Variants in GABBR2 observed in about 807,000 individuals in gnomAD.
GABBR2 encodes G-protein coupled receptor 51.
Under a neutral mutation model 105.6 loss-of-function variants are expected in GABBR2, and 23 were observed. The ratio of observed to expected loss-of-function variants is 0.22; its 90% CI spans 0.16 to 0.31. The LOEUF (loss-of-function observed/expected upper bound fraction) is 0.31, where lower values mean the gene tolerates loss of function less well. GABBR2 is among the 10% of genes least tolerant of loss of function. The pLI, the probability that GABBR2 is intolerant of heterozygous loss-of-function variation, is 1.00. For synonymous variants in GABBR2, 478 were observed against 499.7 expected (o/e 0.96, Z 0.58); for missense variants, 734 against 1,245.5 (o/e 0.59, Z 6.18).
chr9:98,347,671 C>T (rs999762327), intron 13 of GABBR2, among the ~76,000 whole-genome samples: 1 of 152,056 alleles, frequency 6.6e-6, no homozygotes, highest in East Asian at 1.9e-4. Flanking sequence ...GAAGCATTTC[C>T]CCTATATTTT....
At chr9:98,619,750 A>G (rs149744202) in intron 1 of GABBR2, among the ~76,000 whole-genome samples, 161 of 152,208 alleles carry the variant, frequency 1.1e-3, no homozygotes, top group African/African-American at 3.7e-3. Flanking sequence ...TTAATAGTGT[A>G]TGATGTTTTT....
At chr9:98,310,425 T>C (rs1031212945) in intron 14 of GABBR2, among the ~76,000 whole-genome samples, 6 of 152,122 alleles carry the variant, frequency 3.9e-5, no homozygotes, top group Admixed American at 3.9e-4. Flanking sequence ...ATTTTGTATT[T>C]TTAGTAGAGA....
intron 2 of GABBR2, among the ~76,000 whole-genome samples, chr9:98,550,152 A>G (rs551342834): frequency 2.6e-5 from 4 of 152,292 alleles, no homozygotes; most frequent in African/African-American, 9.6e-5. Flanking sequence ...TATCTATGCC[A>G]AGTCTTCCCA....
At chr9:98,313,763 G>T (rs1198242951) in intron 13 of GABBR2, among the ~76,000 whole-genome samples, 1 of 122,690 alleles carries the variant, frequency 8.2e-6, no homozygotes, top group African/African-American at 3.7e-5. Flanking sequence ...TCACTAGGAA[G>T]AAGGTACTTT....
At chr9:98,674,745 T>C (rs2131864172) in intron 1 of GABBR2, among the ~76,000 whole-genome samples, 1 of 152,164 alleles carries the variant, frequency 6.6e-6, no homozygotes, top group Admixed American at 6.5e-5. Context: ...GTCTCAGAGC[T>C]GAAGAGATGT....
intron 6 of GABBR2, among the ~76,000 whole-genome samples, chr9:98,457,467 T>C (rs948411081): frequency 1.3e-5 from 2 of 152,178 alleles, no homozygotes; most frequent in Non-Finnish European, 1.5e-5. Context: ...ATCAAGATCA[T>C]ATTGTCTATT....
At chr9:98,492,940 A>G (rs1588193250) in intron 4 of GABBR2, among the ~76,000 whole-genome samples, 3 of 152,098 alleles carry the variant, frequency 2.0e-5, no homozygotes, top group East Asian at 1.9e-4. Flanking sequence ...CTCCTACTGT[A>G]CCCTTTGGAA....
intron 2 of GABBR2, among the ~76,000 whole-genome samples, chr9:98,576,621 T>C (rs1828911337): frequency 1.3e-5 from 2 of 152,322 alleles, no homozygotes; most frequent in South Asian, 4.1e-4. Context: ...GTGCCTCAGT[T>C]CCATTATCTA....
intron 5 of GABBR2, among the ~76,000 whole-genome samples, chr9:98,473,838 G>T (rs182388067): frequency 3.9e-5 from 6 of 152,254 alleles, no homozygotes; most frequent in African/African-American, 1.2e-4. Flanking sequence ...AGCCAGTTTA[G>T]TATCAACACA....
intron 2 of GABBR2, among the ~76,000 whole-genome samples, chr9:98,563,734 C>G (rs1216302927): frequency 6.6e-6 from 1 of 152,192 alleles, no homozygotes; most frequent in African/African-American, 2.4e-5. Flanking sequence ...AGATCGTTAT[C>G]TAACCTAGGA....
At chr9:98,477,751 C>G (rs1009948264) in intron 5 of GABBR2, among the ~76,000 whole-genome samples, 3 of 152,172 alleles carry the variant, frequency 2.0e-5, no homozygotes, top group Admixed American at 2.0e-4. Flanking sequence ...ACTCCCCATG[C>G]AAGAAAGACG....
intron 11 of GABBR2, among the ~76,000 whole-genome samples, chr9:98,384,863 TC>T (rs1342001223): frequency 3.3e-5 from 5 of 152,200 alleles, no homozygotes; most frequent in Admixed American, 6.5e-5. Flanking sequence ...ACATTACATT[TC>T]TGGTATTAAA....
chr9:98,447,148 G>A (rs372925768), intron 7 of GABBR2, among the ~76,000 whole-genome samples: 2 of 110,554 alleles, frequency 1.8e-5, no homozygotes, highest in African/African-American at 3.3e-5. Flanking sequence ...TGCAAGCTCC[G>A]CCTCCCGGGT....
chr9:98,586,359 G>A (rs1029766547), intron 1 of GABBR2, among the ~76,000 whole-genome samples: 2 of 150,612 alleles, frequency 1.3e-5, no homozygotes, highest in African/African-American at 4.9e-5. Context: ...GAGTGCAATG[G>A]CATGATCTTG....
intron 3 of GABBR2, among the ~76,000 whole-genome samples, chr9:98,529,924 A>T (rs1218267963): frequency 6.6e-6 from 1 of 152,136 alleles, no homozygotes; most frequent in Non-Finnish European, 1.5e-5. Context: ...CATTCTGTTC[A>T]TGGAGCTATC....
At chr9:98,591,140 C>T (rs941212214) in intron 1 of GABBR2, among the ~76,000 whole-genome samples, 2 of 152,168 alleles carry the variant, frequency 1.3e-5, no homozygotes, top group South Asian at 2.1e-4. Flanking sequence ...ATTCAAATTG[C>T]ACTGAGATAT....
In GABBR2 at chr9:98,413,792, G is replaced by A. The variant is rs371169448; in HGVS notation, c.1237-7651C>T. On this transcript the variant is annotated intron_variant, in intron 7 of 18. Coordinates refer to ENST00000259455, the MANE Select transcript of GABBR2 (RefSeq NM_005458.8). ...GGGCTGTGTGCGGTGGAGGGAAGCG[G>A]GGACCTAGAGAAGATGGCTGGGTGG... Among the ~76,000 whole-genome samples the A allele has an allele frequency of 2.6e-5, 4 of 152,220 alleles. No homozygotes were observed. The South Asian group carries it at 6.2e-4, about 24-fold the overall frequency.
At chr9:98,491,079 C>T (rs906935697) in intron 4 of GABBR2, among the ~76,000 whole-genome samples, 2 of 151,710 alleles carry the variant, frequency 1.3e-5, no homozygotes, top group Non-Finnish European at 2.9e-5. Flanking sequence ...CTGTCAATTT[C>T]CGTCTCTATT....
chr9:98,597,303 A>G (rs112035887), intron 1 of GABBR2, among the ~76,000 whole-genome samples: 1 of 152,154 alleles, frequency 6.6e-6, no homozygotes, highest in African/African-American at 2.4e-5. Flanking sequence ...ATCACAAACA[A>G]CATGCCAGGG....
Sources: allele counts gnomAD v4.1 joint callset (sites outside exome capture counted in the v4.1 genomes callset), GRCh38; gene constraint gnomAD v4.1.1; transcripts MANE v1.5; gene names NCBI Gene and HGNC (gene_info 2026-07-23, HGNC 2026-07-21).